GTF2F2: variants seen among roughly 807,000 people sequenced by gnomAD.
GTF2F2 encodes the protein ATP-dependent helicase GTF2F2.
Under a neutral mutation model 42.2 loss-of-function variants are expected in GTF2F2, and 23 were observed. The ratio of observed to expected loss-of-function variants is 0.55; its 90% CI spans 0.39 to 0.77. The LOEUF (loss-of-function observed/expected upper bound fraction) is 0.77, where lower values mean the gene tolerates loss of function less well. GTF2F2 is among the 30% of genes least tolerant of loss of function. The probability of loss-of-function intolerance (pLI) is 0.00; values close to 1 mark genes in which losing one functional copy is unlikely to be tolerated. For missense variants in GTF2F2, 261 were observed against 287.2 expected (o/e 0.91, Z 0.66); for synonymous variants, 105 against 100.8 (o/e 1.04, Z -0.25).
chr13:45,188,007 G>A (rs970656656), intron 4 of GTF2F2, among the ~76,000 whole-genome samples: 2 of 152,118 alleles, frequency 1.3e-5, no homozygotes, highest in African/African-American at 4.8e-5. Flanking sequence ...CTGGGTTCTA[G>A]CGATTCTCAT....
chr13:45,219,717 T>C (rs933955569), intron 5 of GTF2F2: 2 of 152,214 alleles, frequency 1.3e-5, no homozygotes, highest in African/African-American at 4.8e-5. Context: ...AATGAACTAG[T>C]AGTTGTGCTG....
rs1375834126 is a variant in GTF2F2 at position 45,283,546 on chromosome 13, A to C, written c.735A>C (p.Glu245Asp). The C allele has an allele frequency of 6.2e-7, 1 of 1,610,666 alleles. No homozygotes were observed. Among genetic ancestry groups the C allele is most frequent in the Admixed American group, 1.7e-5 (1 of 59,466 alleles). Residue 245 changes from glutamate (E) to aspartate (D), a missense_variant, in exon 8 of 8, where the codon GAA (glutamate) becomes GAC (aspartate). By Grantham distance (45) the Glu-to-Asp change is conservative (BLOSUM62 2). Coordinates refer to ENST00000340473, the MANE Select transcript of GTF2F2 (RefSeq NM_004128.3). ...CAGAGTACAGACACTATCAAGGAGA[A>C]GAAAAGAGTGACTAAGAAGACTCCT... The part of the protein sequence containing the change: ...LKPEYRHYQG[E>D]EKSD
intron 5 of GTF2F2, among the ~76,000 whole-genome samples, chr13:45,229,469 T>A (rs1473901174): frequency 6.6e-6 from 1 of 152,164 alleles, no homozygotes; most frequent in Non-Finnish European, 1.5e-5. Flanking sequence ...CTTATCTCTT[T>A]AAGCTGTTGG....
chr13:45,194,592 GTTC>G, intron 4 of GTF2F2: 1 of 1,588,562 alleles, frequency 6.3e-7, no homozygotes, highest in East Asian at 2.2e-5. Flanking sequence ...ATTTCAGCTT[GTTC>G]TTCTTGGCTT....
chr13:45,281,461 G>A (rs909674808), intron 7 of GTF2F2, among the ~76,000 whole-genome samples: 11 of 152,220 alleles, frequency 7.2e-5, no homozygotes, highest in African/African-American at 2.4e-4. Flanking sequence ...CAGCAAACAT[G>A]AGGCTCAGAG....
chr13:45,224,118 A>T (rs17068872), intron 5 of GTF2F2, among the ~76,000 whole-genome samples: 1 of 152,022 alleles, frequency 6.6e-6, no homozygotes, highest in Admixed American at 6.6e-5. Context: ...ATTATATGGC[A>T]AATGCCTTCA....
chr13:45,245,229 GT>G (rs1875525398), intron 5 of GTF2F2, among the ~76,000 whole-genome samples: 1 of 152,112 alleles, frequency 6.6e-6, no homozygotes, highest in Non-Finnish European at 1.5e-5. Context: ...CAGAGATGTA[GT>G]CTGTCTACCC....
intron 5 of GTF2F2, among the ~76,000 whole-genome samples, chr13:45,218,443 G>T (rs1173536895): frequency 1.3e-5 from 2 of 152,160 alleles, no homozygotes; most frequent in African/African-American, 4.8e-5. Flanking sequence ...TCAGAAAATT[G>T]ACACGATAAT....
At chr13:45,154,379 C>T (rs943438807) in intron 4 of GTF2F2, among the ~76,000 whole-genome samples, 1 of 152,194 alleles carries the variant, frequency 6.6e-6, no homozygotes. Flanking sequence ...TTGAACATTT[C>T]GTGTTCACGT....
At chr13:45,202,821 C>T (rs1049485898) in intron 4 of GTF2F2, among the ~76,000 whole-genome samples, 27 of 152,136 alleles carry the variant, frequency 1.8e-4, no homozygotes, top group African/African-American at 5.8e-4. Context: ...GGCATGGTGG[C>T]GCACGCCTGT....
Position 45,228,283 on chromosome 13 carries a change from C to CTTTTTTTTTTTTTTTTTTT in GTF2F2, c.386+20794_386+20795insTTTTTTTTTTTTTTTTTTT, listed in dbSNP as rs372901327. 3.6e-4 allele frequency among the ~76,000 whole-genome samples: 33 copies of CTTTTTTTTTTTTTTTTTTT among 92,716 alleles called. 2 individuals carry two copies. The highest frequency in any genetic ancestry group is 5.7e-4 in the African/African-American group (10 of 17,640). The allele number at this position is 92,716 out of a possible 152,430, so 60.8% of individuals were successfully genotyped here. ...TTTCCTTATTGCTGCCAGAGTTAAT[C>CTTTTTTTTTTTTTTTTTTT]TTTTTTTTTTTTTTTTGGAGACGGA... On this transcript the variant is annotated intron_variant, in intron 5 of 7. Transcript: ENST00000340473.
In GTF2F2 at chr13:45,149,762, T is replaced by C; in HGVS notation, c.141-8T>C. 1 of 1,509,552 alleles carries C rather than the reference T, an allele frequency of 6.6e-7. No individual in the cohort carries two copies. Among genetic ancestry groups the C allele is most frequent in the Non-Finnish European group, 8.9e-7 (1 of 1,124,018 alleles). 93.5% of individuals were successfully genotyped at this position (1,509,552 alleles called of 1,614,324 possible). On this transcript the variant is annotated splice_region_variant and splice_polypyrimidine_tract_variant and intron_variant, in intron 2 of 7. Coordinates refer to ENST00000340473, the MANE Select transcript of GTF2F2 (RefSeq NM_004128.3). ...ATTATTTTAAATATTTCTTTTCCTC[T>C]CCTTTAGGACTCAAGGAAGGACTGA...
chr13:45,132,387 A>G (rs1593445958), intron 1 of GTF2F2, among the ~76,000 whole-genome samples: 1 of 151,170 alleles, frequency 6.6e-6, no homozygotes, highest in East Asian at 1.9e-4. Flanking sequence ...GTTGGACTTA[A>G]GAGTCCAAGT....
chr13:45,226,659 T>G (rs1874372175), intron 5 of GTF2F2, among the ~76,000 whole-genome samples: 1 of 152,194 alleles, frequency 6.6e-6, no homozygotes, highest in Admixed American at 6.5e-5. Flanking sequence ...TTTTCCCAGG[T>G]TCAAAAATCT....
intron 4 of GTF2F2, 80 bp downstream of exon 4, chr13:45,151,911 CT>C (rs773005628): frequency 0.069 from 9,732 of 141,878 alleles, 9 homozygotes; most frequent in South Asian, 0.11. Context: ...CTCCTATTTG[CT>C]TTTTTTTTTT....
At chr13:45,222,101 ATTC>A (rs1276513252) in intron 5 of GTF2F2, among the ~76,000 whole-genome samples, 1 of 152,140 alleles carries the variant, frequency 6.6e-6, no homozygotes, top group African/African-American at 2.4e-5. Flanking sequence ...GGTTTATTGT[ATTC>A]TTAACACTTA....
chr13:45,204,677 AG>A (rs1398217072), intron 4 of GTF2F2, among the ~76,000 whole-genome samples: 1 of 152,222 alleles, frequency 6.6e-6, no homozygotes, highest in African/African-American at 2.4e-5. Context: ...AATCATGCCT[AG>A]GGGGCTGCAT....
chr13:45,282,476 T>C (rs1439710875), intron 7 of GTF2F2, among the ~76,000 whole-genome samples: 1 of 152,130 alleles, frequency 6.6e-6, no homozygotes, highest in East Asian at 1.9e-4. Context: ...TCCCTGATAG[T>C]TTTAGGGGAT....
At chr13:45,261,773 A>G (rs1324192243) in intron 6 of GTF2F2, among the ~76,000 whole-genome samples, 1 of 152,256 alleles carries the variant, frequency 6.6e-6, no homozygotes, top group Non-Finnish European at 1.5e-5. Context: ...AAATAACATT[A>G]TCTCAAAACT....
Sources: allele counts gnomAD v4.1 joint callset (sites outside exome capture counted in the v4.1 genomes callset), GRCh38; gene constraint gnomAD v4.1.1; transcripts MANE v1.5; gene names NCBI Gene and HGNC (gene_info 2026-07-23, HGNC 2026-07-21).